Variants in WSCD2 observed in about 807,000 individuals in gnomAD.
The protein encoded by WSCD2 is sialate:O-sulfotransferase 2.
Under a neutral mutation model 55.7 loss-of-function variants are expected in WSCD2, and 28 were observed. The ratio of observed to expected loss-of-function variants is 0.50; its 90% CI spans 0.37 to 0.69. The LOEUF (loss-of-function observed/expected upper bound fraction) is 0.69. Ranked by LOEUF, WSCD2 falls within the 30% of genes least tolerant of loss-of-function variation. The pLI is 0.00. For missense variants in WSCD2, 616 were observed against 762.1 expected, an observed-to-expected ratio of 0.81 and a Z score of 2.26; for synonymous variants, 301 against 301.9, an observed-to-expected ratio of 1.00 and a Z score of 0.03.
rs533321025 is a variant in WSCD2 at position 108,170,793 on chromosome 12, A to G, written c.-551-24489A>G. 3.3e-5 allele frequency among the ~76,000 whole-genome samples: 5 copies of G among 152,332 alleles called. No individual in the cohort carries two copies. In the South Asian group the frequency reaches 1.0e-3, roughly 32 times the overall value. On this transcript the variant is annotated intron_variant, in intron 1 of 8. Coordinates refer to ENST00000547525, the MANE Select transcript of WSCD2 (RefSeq NM_014653.4). ...GAAGTATTTTTCTGACCCTGATTTT[A>G]CAGAATGGTAGGCAAGTTCTCCCAG...
At chr12:108,141,758 G>A (rs144448671) in intron 1 of WSCD2, among the ~76,000 whole-genome samples, 56 of 152,248 alleles carry the variant, frequency 3.7e-4, no homozygotes, top group African/African-American at 1.2e-3. Flanking sequence ...TTTTGGGGTC[G>A]GGGAGCTGGT....
At chr12:108,191,402 A>C (rs1471760363) in intron 1 of WSCD2, among the ~76,000 whole-genome samples, 1 of 152,140 alleles carries the variant, frequency 6.6e-6, no homozygotes, top group Non-Finnish European at 1.5e-5. Context: ...CAGGAGAGAG[A>C]GAATGACAGA....
intron 1 of WSCD2, among the ~76,000 whole-genome samples, chr12:108,146,516 A>C (rs541690363): frequency 2.0e-5 from 3 of 152,378 alleles, no homozygotes; most frequent in Admixed American, 1.3e-4. Flanking sequence ...GAAAATACGA[A>C]AGAAAAAGAA....
intron 1 of WSCD2, among the ~76,000 whole-genome samples, chr12:108,140,282 T>A (rs1051732658): frequency 6.6e-6 from 1 of 152,134 alleles, no homozygotes; most frequent in Admixed American, 6.5e-5. Context: ...TGACCTAAAA[T>A]GGCGCCTAGC....
chr12:108,158,169 G>A (rs780593558), intron 1 of WSCD2, among the ~76,000 whole-genome samples: 15 of 152,144 alleles, frequency 9.9e-5, no homozygotes, highest in Non-Finnish European at 1.5e-5. Flanking sequence ...AATAATTTAT[G>A]CTAATGCTGC....
chr12:108,178,862 C>T (rs866968302), intron 1 of WSCD2, among the ~76,000 whole-genome samples: 10 of 152,178 alleles, frequency 6.6e-5, no homozygotes, highest in South Asian at 2.1e-4. Flanking sequence ...AACCCACAAC[C>T]GCCTACGTAG....
chr12:108,154,313 T>C (rs1878315129), intron 1 of WSCD2, among the ~76,000 whole-genome samples: 1 of 152,190 alleles, frequency 6.6e-6, no homozygotes, highest in Non-Finnish European at 1.5e-5. Flanking sequence ...ATTGGCTCCT[T>C]GCCTTTCCCA....
intron 7 of WSCD2, among the ~76,000 whole-genome samples, chr12:108,236,410 T>C (rs895900658): frequency 1.3e-5 from 2 of 152,200 alleles, no homozygotes; most frequent in East Asian, 3.8e-4. Flanking sequence ...AGGGAATTAA[T>C]GAGTGAATGA....
At chr12:108,226,747 T>A (rs1368140829) in intron 5 of WSCD2, among the ~76,000 whole-genome samples, 2 of 152,208 alleles carry the variant, frequency 1.3e-5, no homozygotes, top group African/African-American at 4.8e-5. Context: ...TCCTTTTAAA[T>A]TTAAGTTTCA....
intron 1 of WSCD2, among the ~76,000 whole-genome samples, chr12:108,133,070 T>G (rs1293117283): frequency 2.0e-5 from 3 of 152,196 alleles, no homozygotes; most frequent in Admixed American, 6.5e-5. Flanking sequence ...TGTGTGTTTC[T>G]GTGGGTGTGT....
At chr12:108,139,894 T>C (rs1361942287) in intron 1 of WSCD2, among the ~76,000 whole-genome samples, 7 of 152,120 alleles carry the variant, frequency 4.6e-5, no homozygotes, top group African/African-American at 1.7e-4. Context: ...AGTGAAAAGC[T>C]GAGAAGAGGC....
At chr12:108,186,638 A>G (rs1882530616) in intron 1 of WSCD2, among the ~76,000 whole-genome samples, 1 of 152,182 alleles carries the variant, frequency 6.6e-6, no homozygotes, top group South Asian at 2.1e-4. Context: ...CTTTCACTTG[A>G]TAATATGCAT....
At chr12:108,240,582 C>A in intron 8 of WSCD2, 38 bp downstream of exon 8, 1 of 311,238 alleles carries the variant, frequency 3.2e-6, no homozygotes. Context: ...AGGGGAGGGG[C>A]TTCGGGCTGC....
Position 108,224,835 on chromosome 12 carries a change from A to C in WSCD2, c.779A>C (p.Lys260Thr), listed in dbSNP as rs61739295. Residue 260 changes from lysine to threonine, a missense_variant, in exon 5 of 9, where the codon AAA (lysine) becomes ACA (threonine). Physicochemically the swap from Lys to Thr is moderately conservative, Grantham distance 78. This residue lies in a region of WSCD2 where 374 missense variants were observed against 467.4 expected (regional missense o/e 0.80). Transcript: ENST00000547525. Reference protein sequence around the residue: ...TAAMLNMSVDKCVDFCTEKEY... With the variant: ...TAAMLNMSVDTCVDFCTEKEY... ...GCCATGCTGAACATGTCTGTGGACA[A>C]ATGCGTGGACTTCTGCACTGAGAAG... 12 of 1,613,592 alleles carry C rather than the reference A, an allele frequency of 7.4e-6. No homozygotes were observed. In the African/African-American group the frequency reaches 1.6e-4, roughly 22 times the overall value.
chr12:108,199,486 A>T (rs1411721739), intron 2 of WSCD2, among the ~76,000 whole-genome samples: 1 of 152,228 alleles, frequency 6.6e-6, no homozygotes, highest in Non-Finnish European at 1.5e-5. Context: ...TGAGCAGCCA[A>T]ATCAGGGTTC....
intron 6 of WSCD2, among the ~76,000 whole-genome samples, chr12:108,230,500 C>G (rs1447147013): frequency 6.6e-6 from 1 of 152,206 alleles, no homozygotes; most frequent in East Asian, 1.9e-4. Flanking sequence ...AGGCTGTCAT[C>G]GCTGCTTAAT....
intron 1 of WSCD2, among the ~76,000 whole-genome samples, chr12:108,133,828 G>T (rs186945177): frequency 6.6e-6 from 1 of 152,080 alleles, no homozygotes; most frequent in Admixed American, 6.6e-5. Context: ...GAACAAACTC[G>T]CAGATGTTAA....
chr12:108,237,946 C>T (rs573410677), intron 7 of WSCD2, among the ~76,000 whole-genome samples: 2 of 152,260 alleles, frequency 1.3e-5, no homozygotes, highest in South Asian at 4.1e-4. Flanking sequence ...AATTTATTTT[C>T]CTTGTTAAGA....
intron 1 of WSCD2, among the ~76,000 whole-genome samples, chr12:108,152,408 C>G (rs1878099808): frequency 6.6e-6 from 1 of 152,160 alleles, no homozygotes; most frequent in Admixed American, 6.5e-5. Flanking sequence ...CGCTGGGCTC[C>G]CACAGGCTCC....
Sources: allele counts gnomAD v4.1 joint callset (sites outside exome capture counted in the v4.1 genomes callset), GRCh38; gene constraint gnomAD v4.1.1; regional missense constraint gnomAD v4.1.1; transcripts MANE v1.5; gene names NCBI Gene and HGNC (gene_info 2026-07-23, HGNC 2026-07-21).